Variants in CNTNAP2 observed in about 807,000 individuals in gnomAD.
CNTNAP2 encodes the protein contactin-associated protein-like 2.
Under a neutral mutation model 155.2 loss-of-function variants are expected in CNTNAP2, and 98 were observed. The observed-to-expected ratio is 0.63, with a 90% CI of 0.54 to 0.75. The LOEUF (loss-of-function observed/expected upper bound fraction) is 0.75. Ranked by LOEUF, CNTNAP2 falls within the 30% of genes least tolerant of loss-of-function variation. CNTNAP2 has a pLI of 0.00. For missense variants in CNTNAP2, 1,727 were observed against 1,688.1 expected, an observed-to-expected ratio of 1.02 and a Z score of -0.40; for synonymous variants, 651 against 631.2, an observed-to-expected ratio of 1.03 and a Z score of -0.47.
intron 1 of CNTNAP2, among the ~76,000 whole-genome samples, chr7:146,331,271 T>G (rs1442428331): frequency 7.3e-6 from 1 of 137,240 alleles, no homozygotes; most frequent in Admixed American, 8.2e-5. Flanking sequence ...GCCACTGCAC[T>G]CCAGCCTGGG....
At chr7:147,605,561 G>C (rs1001456546) in intron 12 of CNTNAP2, among the ~76,000 whole-genome samples, 3 of 152,122 alleles carry the variant, frequency 2.0e-5, no homozygotes, top group African/African-American at 7.2e-5. Context: ...GAATAGGTGC[G>C]AGTCTGAGTC....
chr7:146,596,288 A>G (rs1412380864), intron 1 of CNTNAP2, among the ~76,000 whole-genome samples: 2 of 152,002 alleles, frequency 1.3e-5, no homozygotes, highest in Non-Finnish European at 2.9e-5. Context: ...ATAAGAGGAA[A>G]CCAACTGCTT....
chr7:147,155,027 G>A (rs1357253299), intron 8 of CNTNAP2, among the ~76,000 whole-genome samples: 1 of 152,134 alleles, frequency 6.6e-6, no homozygotes. Flanking sequence ...GAACACTGGA[G>A]CACCACAGCT....
chr7:146,800,472 C>T (rs957569881), intron 2 of CNTNAP2, among the ~76,000 whole-genome samples: 2 of 152,194 alleles, frequency 1.3e-5, no homozygotes, highest in African/African-American at 2.4e-5. Flanking sequence ...GTTTTTCTTT[C>T]TGTTGGGCAT....
intron 15 of CNTNAP2, among the ~76,000 whole-genome samples, chr7:148,001,453 C>T (rs371249254): frequency 8.5e-5 from 13 of 152,318 alleles, no homozygotes; most frequent in East Asian, 1.9e-4. Context: ...AGCACTTTCA[C>T]TGTTACTCAA....
chr7:148,267,515 C>T (rs1796693708), intron 21 of CNTNAP2, among the ~76,000 whole-genome samples: 1 of 151,922 alleles, frequency 6.6e-6, no homozygotes. Context: ...ATTAGCCATG[C>T]ATGGTGGCAG....
intron 1 of CNTNAP2, among the ~76,000 whole-genome samples, chr7:146,371,101 C>T (rs1315837946): frequency 4.0e-5 from 6 of 151,850 alleles, no homozygotes; most frequent in African/African-American, 1.5e-4. Context: ...TTCTATATAG[C>T]TAATCATACC....
intron 10 of CNTNAP2, among the ~76,000 whole-genome samples, chr7:147,449,960 G>C (rs1389658425): frequency 6.6e-6 from 1 of 152,056 alleles, no homozygotes; most frequent in African/African-American, 2.4e-5. Context: ...ACCACTTCGG[G>C]ACATCCTTCT....
chr7:146,187,826 A>AT (rs1168334194), intron 1 of CNTNAP2, among the ~76,000 whole-genome samples: 4 of 152,190 alleles, frequency 2.6e-5, no homozygotes, highest in African/African-American at 9.6e-5. Context: ...ATGGATTATT[A>AT]TGAAGCATGA....
chr7:147,914,439 C>G (rs1800122572), intron 14 of CNTNAP2, among the ~76,000 whole-genome samples: 1 of 150,368 alleles, frequency 6.7e-6, no homozygotes, highest in South Asian at 2.1e-4. Flanking sequence ...ACTCGGGAGG[C>G]TGAGACAGGA....
chr7:147,790,410 G>A (rs925432276), intron 13 of CNTNAP2, among the ~76,000 whole-genome samples: 1 of 152,084 alleles, frequency 6.6e-6, no homozygotes, highest in Non-Finnish European at 1.5e-5. Flanking sequence ...AGTATTTGTC[G>A]AATGAAGAAT....
chr7:146,700,914 C>A (rs1221269918), intron 1 of CNTNAP2, among the ~76,000 whole-genome samples: 3 of 151,950 alleles, frequency 2.0e-5, no homozygotes. Context: ...GATAAGAATC[C>A]CAAGGTCCTC....
At chr7:146,307,348 G>C (rs1328313252) in intron 1 of CNTNAP2, among the ~76,000 whole-genome samples, 1 of 152,054 alleles carries the variant, frequency 6.6e-6, no homozygotes, top group African/African-American at 2.4e-5. Context: ...ACAAATGGAA[G>C]AACATTCCAT....
intron 1 of CNTNAP2, among the ~76,000 whole-genome samples, chr7:146,248,362 G>A (rs1347782298): frequency 6.6e-6 from 1 of 152,064 alleles, no homozygotes; most frequent in African/African-American, 2.4e-5. Context: ...GGGACTTGCC[G>A]CTAAGGGTGA....
chr7:148,239,264 A>G (rs1000420618), intron 20 of CNTNAP2, among the ~76,000 whole-genome samples: 14 of 152,240 alleles, frequency 9.2e-5, no homozygotes, highest in African/African-American at 2.9e-4. Flanking sequence ...GATTCTTAGC[A>G]AGTGTATTAG....
chr7:147,361,463 A>G (rs914541315), intron 9 of CNTNAP2, among the ~76,000 whole-genome samples: 22 of 152,208 alleles, frequency 1.4e-4, no homozygotes, highest in Non-Finnish European at 1.5e-5. Flanking sequence ...TATACCCTGT[A>G]TAATTTAACT....
At chr7:147,229,923 TA>T (rs1186060303) in intron 8 of CNTNAP2, among the ~76,000 whole-genome samples, 14 of 152,220 alleles carry the variant, frequency 9.2e-5, no homozygotes, top group African/African-American at 3.4e-4. Context: ...TTCTAAATAT[TA>T]AATATAAATT....
At chr7:147,476,137 G>A (rs1044377314) in intron 10 of CNTNAP2, among the ~76,000 whole-genome samples, 6 of 151,132 alleles carry the variant, frequency 4.0e-5, no homozygotes, top group South Asian at 2.1e-4. Context: ...ACGGAGTCTC[G>A]CTCTGTCACC....
chr7:146,542,259 A>G (rs972175530), intron 1 of CNTNAP2, among the ~76,000 whole-genome samples: 6 of 151,910 alleles, frequency 3.9e-5, no homozygotes, highest in Admixed American at 6.6e-5. Context: ...CAGCTAGGCT[A>G]TAAGGGGAGT....
Sources: gnomAD v4.1 joint callset for allele counts (sites outside exome capture counted in the v4.1 genomes callset) on GRCh38, gnomAD v4.1.1 for gene constraint, MANE v1.5 for transcripts, NCBI Gene and HGNC (gene_info 2026-07-23, HGNC 2026-07-21) for gene names.